SYBU: variants seen among roughly 807,000 people sequenced by gnomAD.
The protein encoded by SYBU is GOLSYN A protein.
SYBU carries 21 observed loss-of-function variants against 35.9 expected under a neutral mutation model. The ratio of observed to expected loss-of-function variants is 0.58; its 90% confidence interval spans 0.41 to 0.84. The LOEUF is 0.84. Ranked by LOEUF, SYBU falls within the 40% of genes least tolerant of loss-of-function variation. SYBU has a pLI of 0.00. For missense variants in SYBU, 768 were observed against 848.2 expected, an observed-to-expected ratio of 0.91 and a Z score of 1.17; for synonymous variants, 319 against 324.3, an observed-to-expected ratio of 0.98 and a Z score of 0.18.
chr8:109,579,189 A>G (rs978357508), intron 5 of SYBU, among the ~76,000 whole-genome samples: 1 of 152,174 alleles, frequency 6.6e-6, no homozygotes, highest in African/African-American at 2.4e-5. Context: ...ACCTGTGTCC[A>G]TGCCCACCAT....
At chr8:109,663,479 A>G (rs1373284217) in intron 1 of SYBU, among the ~76,000 whole-genome samples, 1 of 152,144 alleles carries the variant, frequency 6.6e-6, no homozygotes, top group Non-Finnish European at 1.5e-5. Flanking sequence ...TAGTCAGTGC[A>G]GTGTGTATAA....
At chr8:109,644,861 A>G, upstream of SYBU, 1 of 548,610 alleles carries the variant, frequency 1.8e-6, no homozygotes, top group Non-Finnish European at 3.1e-6. Flanking sequence ...CCGGCCGGAC[A>G]CGTGGTGCCG....
At chr8:109,615,630 A>C (rs868856676) in intron 3 of SYBU, among the ~76,000 whole-genome samples, 2 of 152,144 alleles carry the variant, frequency 1.3e-5, no homozygotes, top group Non-Finnish European at 2.9e-5. Flanking sequence ...GGACCCCTTT[A>C]CCTTGGTTAA....
intron 2 of SYBU, among the ~76,000 whole-genome samples, chr8:109,635,300 A>C (rs1465429162): frequency 6.6e-6 from 1 of 152,164 alleles, no homozygotes; most frequent in East Asian, 1.9e-4. Flanking sequence ...CTACTTCTTG[A>C]AACTCTTTTC....
intron 1 of SYBU, among the ~76,000 whole-genome samples, chr8:109,655,836 C>A (rs1816331266): frequency 6.6e-6 from 1 of 152,084 alleles, no homozygotes; most frequent in Non-Finnish European, 1.5e-5. Flanking sequence ...TGATCTAGAC[C>A]AGGCGTGGTG....
upstream of SYBU, among the ~76,000 whole-genome samples, chr8:109,681,819 G>A (rs62526147): frequency 5.9e-4 from 89 of 152,124 alleles, no homozygotes; most frequent in Non-Finnish European, 1.0e-3. Context: ...TAAACTGCAC[G>A]TGTCATGGGA....
chr8:109,614,620 A>G (rs1171538024), intron 3 of SYBU, among the ~76,000 whole-genome samples: 2 of 152,252 alleles, frequency 1.3e-5, no homozygotes, highest in Admixed American at 1.3e-4. Context: ...TGCACAAAGT[A>G]TAAGCTCTAC....
intron 2 of SYBU, among the ~76,000 whole-genome samples, chr8:109,641,584 T>G (rs1814884535): frequency 1.3e-5 from 2 of 152,266 alleles, no homozygotes; most frequent in African/African-American, 4.8e-5. Flanking sequence ...TCTTCCCTAC[T>G]AAACCATAAG....
chr8:109,606,497 A>C (rs1462968067), intron 3 of SYBU, among the ~76,000 whole-genome samples: 1 of 152,152 alleles, frequency 6.6e-6, no homozygotes, highest in Non-Finnish European at 1.5e-5. Context: ...AGAGGTGGGC[A>C]GGGGACTTCA....
chr8:109,597,635 G>A (rs1243396079), intron 3 of SYBU, among the ~76,000 whole-genome samples: 2 of 151,968 alleles, frequency 1.3e-5, no homozygotes, highest in Non-Finnish European at 2.9e-5. Context: ...GATCAATTGA[G>A]CCCCGGAGGT....
intron 3 of SYBU, among the ~76,000 whole-genome samples, chr8:109,605,525 TCTTTC>T: frequency 6.6e-6 from 1 of 152,328 alleles, no homozygotes; most frequent in South Asian, 2.1e-4. Context: ...CATGCCACGT[TCTTTC>T]CAGGGAAAAC....
intron 3 of SYBU, among the ~76,000 whole-genome samples, chr8:109,606,852 CTAAGTAGT>C (rs772567448): frequency 4.0e-3 from 610 of 152,220 alleles, no homozygotes; most frequent in Non-Finnish European, 6.6e-3. Context: ...TGCCCTTTGC[CTAAGTAGT>C]CATGAGCATA....
chr8:109,575,902 T>G lies in SYBU; in HGVS notation c.996A>C (p.Lys332Asn). The change falls in exon 7 of 7, where the codon AAA becomes AAC. Residue 332 changes from lysine (K) to asparagine (N), a missense_variant. By Grantham distance (94) the Lys-to-Asn change is moderately conservative. Transcript: ENST00000276646. ...TGACCTGTTTGAGCTGTTTAATCTC[T>G]TTCCTGGCTTCTTTGAGTGCCAACT... ...EAQLALKEAR[K>N]EIKQLKQVIE... 3 of 1,614,028 alleles carry G rather than the reference T, an allele frequency of 1.9e-6. No individual in the cohort carries two copies. Among genetic ancestry groups the G allele is most frequent in the Non-Finnish European group, 2.5e-6 (3 of 1,180,020 alleles).
chr8:109,581,316 A>C (rs527709038), intron 4 of SYBU, among the ~76,000 whole-genome samples: 34 of 152,290 alleles, frequency 2.2e-4, no homozygotes, highest in African/African-American at 7.2e-4. Context: ...GAGCCACTTA[A>C]CATGGGGATC....
At chr8:109,672,624 C>T (rs987580880) in intron 1 of SYBU, among the ~76,000 whole-genome samples, 1 of 152,200 alleles carries the variant, frequency 6.6e-6, no homozygotes, top group East Asian at 1.9e-4. Flanking sequence ...AGACAGCGAG[C>T]TAGCTGAAGG....
Position 109,575,107 on chromosome 8 carries a change from G to T in SYBU, c.1791C>A (p.Gly597=), listed in dbSNP as rs758731226. The change falls in exon 7 of 7, where the codon GGC becomes GGA. Residue 597 remains glycine, a synonymous_variant. Transcript: ENST00000276646. ...LDGVIPLARG[G]VVRQYWSSSF... ...TGCTGCTCCAGTACTGCCTCACGAC[G>T]CCCCCGCGAGCCAGTGGGATGACAC... 6.2e-7 allele frequency: 1 copy of T among 1,612,640 alleles called. No homozygotes were observed. The highest frequency in any genetic ancestry group is 1.1e-5 in the South Asian group (1 of 90,962).
At chr8:109,576,064 A>AG in intron 6 of SYBU, 51 bp from the exon 7 acceptor site, 1 of 1,483,726 alleles carries the variant, frequency 6.7e-7, no homozygotes, top group South Asian at 1.4e-5. Context: ...AAAAAAAAAA[A>AG]AAAAAACTTT....
intron 4 of SYBU, among the ~76,000 whole-genome samples, chr8:109,582,950 A>C (rs1472189485): frequency 2.0e-5 from 3 of 152,146 alleles, no homozygotes; most frequent in Non-Finnish European, 2.9e-5. Context: ...CCCTGCAGAC[A>C]TCTTGGTATC....
At chr8:109,682,445 T>C (rs1302907170), upstream of SYBU, among the ~76,000 whole-genome samples, 1 of 152,210 alleles carries the variant, frequency 6.6e-6, no homozygotes, top group East Asian at 1.9e-4. Flanking sequence ...AAGGTCACTC[T>C]TGCTATGTTT....
Sources: gnomAD v4.1 joint callset for allele counts (sites outside exome capture counted in the v4.1 genomes callset) on GRCh38, gnomAD v4.1.1 for gene constraint, MANE v1.5 for transcripts, NCBI Gene and HGNC (gene_info 2026-07-23, HGNC 2026-07-21) for gene names.